Variants in PLA2G4A observed in about 807,000 individuals in gnomAD.
PLA2G4A encodes the protein cytosolic phospholipase A2.
PLA2G4A carries 40 observed loss-of-function variants against 81.9 expected under a neutral mutation model. The ratio of observed to expected loss-of-function variants is 0.49; its 90% confidence interval spans 0.38 to 0.64. PLA2G4A has a LOEUF of 0.64. Ranked by LOEUF, PLA2G4A falls within the 30% of genes least tolerant of loss-of-function variation. The pLI is 0.00. For synonymous variants in PLA2G4A, 302 were observed against 296.9 expected, an observed-to-expected ratio of 1.02 and a Z score of -0.18; for missense variants, 715 against 905.1, an observed-to-expected ratio of 0.79 and a Z score of 2.69.
intron 5 of PLA2G4A, among the ~76,000 whole-genome samples, chr1:186,902,175 A>G (rs754376280): frequency 3.9e-5 from 6 of 152,224 alleles, no homozygotes; most frequent in Non-Finnish European, 7.3e-5. Flanking sequence ...GCATATCTAA[A>G]CAAACATATC....
chr1:186,938,436 CTTCAGATTCATATG>C (rs1656030505), intron 8 of PLA2G4A, among the ~76,000 whole-genome samples: 1 of 152,032 alleles, frequency 6.6e-6, no homozygotes, highest in Non-Finnish European at 1.5e-5. Context: ...AGGATTTTGC[CTTCAGATTCATATG>C]TTCAGAAATT....
At chr1:186,912,763 T>C (rs1655000417) in intron 7 of PLA2G4A, among the ~76,000 whole-genome samples, 1 of 133,430 alleles carries the variant, frequency 7.5e-6, no homozygotes, top group Non-Finnish European at 1.5e-5. Context: ...TATATATACA[T>C]AAGTATATAT....
chr1:186,849,342 T>A (rs1652295188), intron 1 of PLA2G4A, among the ~76,000 whole-genome samples: 1 of 152,092 alleles, frequency 6.6e-6, no homozygotes, highest in Non-Finnish European at 1.5e-5. Context: ...GTCAGTGGAA[T>A]GAAAGGCTTG....
intron 1 of PLA2G4A, among the ~76,000 whole-genome samples, chr1:186,847,654 C>CAGTTATA (rs1390848501): frequency 4.6e-5 from 7 of 151,996 alleles, no homozygotes; most frequent in Non-Finnish European, 8.8e-5. Context: ...ACCCACTTCA[C>CAGTTATA]AGTTATAAAA....
At chr1:186,899,318 G>T (rs896517015) in intron 5 of PLA2G4A, among the ~76,000 whole-genome samples, 1 of 152,146 alleles carries the variant, frequency 6.6e-6, no homozygotes, top group Non-Finnish European at 1.5e-5. Flanking sequence ...GAAAGACTGG[G>T]AGGGAGACCG....
chr1:186,927,332 T>G (rs947921108), intron 7 of PLA2G4A, among the ~76,000 whole-genome samples: 1 of 152,228 alleles, frequency 6.6e-6, no homozygotes, highest in Non-Finnish European at 1.5e-5. Flanking sequence ...TTGAGCAAGA[T>G]ATATGACTTT....
At position 186,932,855 on chromosome 1, in the gene PLA2G4A, T is replaced by A; in HGVS notation, c.651T>A (p.Ile217=). The A allele has an allele frequency of 1.9e-6, 3 of 1,613,368 alleles. No individual in the cohort carries two copies. The highest frequency in any genetic ancestry group is 2.5e-6 in the Non-Finnish European group (3 of 1,179,318). ...TGAAGGCATTATACGAATCAGGAAT[T>A]CTGGATTGTGCTACCTACGTTGCTG... ...GVMKALYESG[I]LDCATYVAGL... Residue 217 remains isoleucine, a synonymous_variant, in exon 8 of 18, where the codon ATT becomes ATA. Coordinates refer to ENST00000367466, the MANE Select transcript of PLA2G4A (RefSeq NM_024420.3).
intron 2 of PLA2G4A, among the ~76,000 whole-genome samples, chr1:186,864,391 T>C (rs901248243): frequency 1.3e-5 from 2 of 152,156 alleles, no homozygotes; most frequent in African/African-American, 4.8e-5. Flanking sequence ...TTTTACACAA[T>C]GGCTATACAA....
chr1:186,917,184 C>T (rs772285178), intron 7 of PLA2G4A, among the ~76,000 whole-genome samples: 14 of 152,228 alleles, frequency 9.2e-5, no homozygotes, highest in Non-Finnish European at 1.5e-4. Context: ...TTGATTCATA[C>T]GCGATCACCT....
At chr1:186,923,914 T>C (rs1655451628) in intron 7 of PLA2G4A, among the ~76,000 whole-genome samples, 1 of 152,218 alleles carries the variant, frequency 6.6e-6, no homozygotes, top group Admixed American at 6.5e-5. Flanking sequence ...CTCCTAATGA[T>C]AGAGAAATAA....
At position 186,932,642 on chromosome 1, in the gene PLA2G4A, A is replaced by G. The variant is rs1458166475; in HGVS notation, c.559-121A>G. 4 of 999,502 alleles carry G rather than the reference A, an allele frequency of 4.0e-6. No individual in the cohort carries two copies. The African/African-American group carries it at 6.4e-5, about 16-fold the overall frequency. 61.9% of individuals were successfully genotyped at this position (999,502 alleles called of 1,614,324 possible). A position where few individuals can be genotyped will look rare whatever the true frequency, so the allele number is the denominator to read the frequency against. On this transcript the variant is annotated intron_variant, in intron 7 of 17. Transcript: ENST00000367466. ...AAAAATTAGGCATTACTAAAGTATG[A>G]AGTTAACTTACACTTCTTTGTGACA...
At chr1:186,831,046 CT>C (rs1651569370) in intron 1 of PLA2G4A, among the ~76,000 whole-genome samples, 1 of 134,698 alleles carries the variant, frequency 7.4e-6, no homozygotes, top group African/African-American at 2.8e-5. Context: ...CTTTTTCTTT[CT>C]TTTCTTTTTC....
rs71571011 is a variant in PLA2G4A at position 186,934,443 on chromosome 1, CAT to C, written c.695+1564_695+1565del. Among the ~76,000 whole-genome samples the C allele has an allele frequency of 2.3e-3, 226 of 99,554 alleles. 6 individuals carry two copies. The highest frequency in any genetic ancestry group is 9.3e-3 in the African/African-American group (206 of 22,246). 65.3% of individuals were successfully genotyped at this position (99,554 alleles called of 152,430 possible). ...TAATTAAAAGGATTTTAAATGTGCACATATATATATATATATATATACATACA... is the reference window on the plus strand; with the variant it reads ...TAATTAAAAGGATTTTAAATGTGCACATATATATATATATATATACATACA... On this transcript the variant is annotated intron_variant, in intron 8 of 17. Transcript: ENST00000367466.
intron 5 of PLA2G4A, among the ~76,000 whole-genome samples, chr1:186,898,196 A>G (rs1163176941): frequency 6.6e-6 from 1 of 152,136 alleles, no homozygotes. Flanking sequence ...CTAACTTGTA[A>G]ATAGATTGTG....
chr1:186,930,497 T>C (rs900641325), intron 7 of PLA2G4A, among the ~76,000 whole-genome samples: 1 of 152,188 alleles, frequency 6.6e-6, no homozygotes, highest in South Asian at 2.1e-4. Flanking sequence ...TTAGAGAAGC[T>C]CTTATGTTCA....
In PLA2G4A at chr1:186,858,923, G is replaced by A. The variant is rs1652696008; in HGVS notation, c.33+4536G>A. Among the ~76,000 whole-genome samples the A allele has an allele frequency of 2.0e-5, 3 of 150,530 alleles. No homozygotes were observed. In the East Asian group the frequency reaches 5.8e-4, roughly 29 times the overall value. On this transcript the variant is annotated intron_variant, in intron 2 of 17. Transcript: ENST00000367466. ...AAACCAACTGTGGGTGTGTGCGTGT[G>A]TGTGTGTGTGTGTGTGTAAATTGTT...
chr1:186,915,174 T>C (rs1655095697), intron 7 of PLA2G4A, among the ~76,000 whole-genome samples: 1 of 152,202 alleles, frequency 6.6e-6, no homozygotes, highest in African/African-American at 2.4e-5. Flanking sequence ...TCTCTAACTA[T>C]GTCTTCAACT....
intron 3 of PLA2G4A, among the ~76,000 whole-genome samples, chr1:186,874,563 T>C (rs1267594038): frequency 6.6e-6 from 1 of 152,116 alleles, no homozygotes; most frequent in Non-Finnish European, 1.5e-5. Flanking sequence ...ATATATATAC[T>C]GAGGATTCTT....
chr1:186,951,495 A>C (rs1656561098), intron 13 of PLA2G4A, among the ~76,000 whole-genome samples: 1 of 152,100 alleles, frequency 6.6e-6, no homozygotes, highest in Non-Finnish European at 1.5e-5. Context: ...ACAACAACAA[A>C]AAACAAAACA....
Sources: allele counts gnomAD v4.1 joint callset (sites outside exome capture counted in the v4.1 genomes callset), GRCh38; gene constraint gnomAD v4.1.1; transcripts MANE v1.5; gene names NCBI Gene and HGNC (gene_info 2026-07-23, HGNC 2026-07-21).